The following FBXO42 variants were observed in gnomAD, a reference collection of about 807,000 sequenced individuals.
FBXO42 encodes the protein F-box protein 42.
A neutral mutation model predicts 71.7 loss-of-function variants in FBXO42; 12 were observed. The ratio of observed to expected loss-of-function variants is 0.17; its 90% CI spans 0.11 to 0.27. FBXO42 has a LOEUF of 0.27. Ranked by LOEUF, FBXO42 falls within the 10% of genes least tolerant of loss-of-function variation. The probability of loss-of-function intolerance (pLI) is 1.00; values close to 1 mark genes in which losing one functional copy is unlikely to be tolerated. For missense variants in FBXO42, 707 were observed against 911.9 expected (o/e 0.78, Z 2.89); for synonymous variants, 325 against 327.5 (o/e 0.99, Z 0.08).
chr1:16,309,475 A>G (rs2082290090), intron 2 of FBXO42, among the ~76,000 whole-genome samples: 1 of 152,210 alleles, frequency 6.6e-6, no homozygotes, highest in South Asian at 2.1e-4. Context: ...TTCCATGAAA[A>G]TGAACTAAAA....
At chr1:16,340,300 A>T (rs2082589988) in intron 1 of FBXO42, among the ~76,000 whole-genome samples, 2 of 152,052 alleles carry the variant, frequency 1.3e-5, no homozygotes, top group Admixed American at 6.5e-5. Flanking sequence ...CCACAGATCC[A>T]AATCCAGAAA....
intron 2 of FBXO42, among the ~76,000 whole-genome samples, chr1:16,308,356 T>C (rs1469763050): frequency 1.3e-5 from 2 of 152,136 alleles, no homozygotes; most frequent in Non-Finnish European, 2.9e-5. Flanking sequence ...CAGTGGTGTA[T>C]GCCTGTGGTC....
At chr1:16,311,503 AAT>A (rs1553153697) in intron 2 of FBXO42, among the ~76,000 whole-genome samples, 4,082 of 65,210 alleles carry the variant, frequency 0.063, 77 homozygotes, top group East Asian at 0.17. Context: ...AAAAAAAAAA[AAT>A]ATATATATAT....
intron 3 of FBXO42, among the ~76,000 whole-genome samples, chr1:16,299,945 A>G (rs6603853): frequency 0.67 from 101,663 of 152,016 alleles, 34,950 homozygotes; most frequent in East Asian, 0.86. Flanking sequence ...GCCCGGCCAC[A>G]CTCAACTATT....
intron 4 of FBXO42, among the ~76,000 whole-genome samples, chr1:16,288,125 G>A (rs985400798): frequency 1.3e-5 from 2 of 152,038 alleles, no homozygotes; most frequent in Admixed American, 6.6e-5. Flanking sequence ...GGAAACAAGA[G>A]TGAAACTCTG....
chr1:16,328,996 C>G (rs915678149), intron 1 of FBXO42, among the ~76,000 whole-genome samples: 2 of 151,674 alleles, frequency 1.3e-5, no homozygotes, highest in African/African-American at 4.8e-5. Context: ...AACCCCATCT[C>G]TACTAAAAAT....
chr1:16,276,454 T>C (rs901994506), intron 4 of FBXO42, among the ~76,000 whole-genome samples: 1 of 150,404 alleles, frequency 6.6e-6, no homozygotes, highest in Non-Finnish European at 1.5e-5. Flanking sequence ...CCTAATTACA[T>C]AGAAACTAAA....
chr1:16,253,124 A>G lies in FBXO42; in HGVS notation c.893T>C (p.Ile298Thr). 6.2e-7 allele frequency: 1 copy of G among 1,613,838 alleles called. No homozygotes were observed. Residue 298 changes from isoleucine to threonine, a missense_variant, in exon 8 of 10, where the codon ATC becomes ACC. Physicochemically the swap from Ile to Thr is moderately conservative, Grantham distance 89 (BLOSUM62 -1). This residue lies in a region of FBXO42 where 482 missense variants were observed against 587.1 expected (regional missense o/e 0.82). Coordinates refer to ENST00000375592, the MANE Select transcript of FBXO42 (RefSeq NM_018994.3). ...QIVIDDATIL[I>T]LGGCGGPNAL... is the part of the protein sequence containing the mutation. ...ATTGGGACCGCCACACCCTCCGAGG[A>G]TTAAGATAGTTGCATCATCTATGAC...
intron 4 of FBXO42, among the ~76,000 whole-genome samples, chr1:16,274,130 C>T (rs1027160960): frequency 1.3e-5 from 2 of 151,626 alleles, no homozygotes; most frequent in African/African-American, 4.8e-5. Flanking sequence ...GGAGACATAG[C>T]AGTACCCCAT....
intron 1 of FBXO42, among the ~76,000 whole-genome samples, chr1:16,344,856 T>G (rs1164012723): frequency 6.6e-6 from 1 of 152,138 alleles, no homozygotes; most frequent in African/African-American, 2.4e-5. Context: ...CCCAACACTT[T>G]GGGAGGCCAA....
chr1:16,340,338 G>A (rs1407720566), intron 1 of FBXO42, among the ~76,000 whole-genome samples: 3 of 150,528 alleles, frequency 2.0e-5, no homozygotes, highest in Non-Finnish European at 4.4e-5. Flanking sequence ...TTTTTTTTGA[G>A]ACGGAGTTTC....
In FBXO42 at chr1:16,352,347, C is replaced by T. The variant is rs1407675552; in HGVS notation, c.-110G>A. Reference sequence around the variant, plus strand: ...GGGCCAGAGCAGAGGCGCTCTGCCTCAGGCCGCGACAGCCGTGCTCGGGGC... The same window carrying T: ...GGGCCAGAGCAGAGGCGCTCTGCCTTAGGCCGCGACAGCCGTGCTCGGGGC... On this transcript the variant is annotated 5_prime_UTR_variant, in exon 1 of 10. Coordinates refer to ENST00000375592, the MANE Select transcript of FBXO42 (RefSeq NM_018994.3). The T allele has an allele frequency of 2.5e-6, 1 of 397,894 alleles. No individual in the cohort carries two copies. Among genetic ancestry groups the T allele is most frequent in the Non-Finnish European group, 4.4e-6 (1 of 225,632 alleles). The allele number at this position is 397,894 out of a possible 1,614,324, so 24.6% of individuals were successfully genotyped here. A position where few individuals can be genotyped will look rare whatever the true frequency, so the allele number is the denominator to read the frequency against.
At chr1:16,313,073 G>A (rs745643875) in intron 2 of FBXO42, among the ~76,000 whole-genome samples, 5 of 152,000 alleles carry the variant, frequency 3.3e-5, no homozygotes, top group Non-Finnish European at 7.4e-5. Flanking sequence ...GGGATTACAG[G>A]CGTGTTCCAC....
intron 4 of FBXO42, among the ~76,000 whole-genome samples, chr1:16,271,608 T>C (rs1236292962): frequency 4.6e-5 from 7 of 151,980 alleles, no homozygotes; most frequent in Admixed American, 2.0e-4. Context: ...TACCCACTTG[T>C]ACCACTCTCC....
chr1:16,335,821 C>T (rs1464658809), intron 1 of FBXO42, among the ~76,000 whole-genome samples: 1 of 147,702 alleles, frequency 6.8e-6, no homozygotes, highest in Non-Finnish European at 1.5e-5. Context: ...GAGCTGAGAT[C>T]ACGCCATTGC....
intron 4 of FBXO42, among the ~76,000 whole-genome samples, chr1:16,284,998 T>C (rs1406076380): frequency 9.3e-6 from 1 of 107,890 alleles, no homozygotes; most frequent in Non-Finnish European, 2.1e-5. Context: ...AAAATAAAGT[T>C]AGCCGGGCGT....
chr1:16,290,701 C>T (rs1263547243), intron 4 of FBXO42, among the ~76,000 whole-genome samples: 1 of 150,756 alleles, frequency 6.6e-6, no homozygotes, highest in African/African-American at 2.4e-5. Context: ...AAAAGAAGCA[C>T]AAGAGATGCC....
chr1:16,308,296 C>G (rs925324601), intron 2 of FBXO42, among the ~76,000 whole-genome samples: 1 of 151,972 alleles, frequency 6.6e-6, no homozygotes, highest in Non-Finnish European at 1.5e-5. Flanking sequence ...TGATCTTTGA[C>G]AAAGAAGCAA....
At chr1:16,317,923 A>G (rs1178922413) in intron 1 of FBXO42, among the ~76,000 whole-genome samples, 3 of 143,160 alleles carry the variant, frequency 2.1e-5, no homozygotes, top group Admixed American at 7.0e-5. Context: ...TGTCTCGAAG[A>G]AAAAAAAAAA....
Sources: gnomAD v4.1 joint callset for allele counts (sites outside exome capture counted in the v4.1 genomes callset) on GRCh38, gnomAD v4.1.1 for gene constraint, gnomAD v4.1.1 regional missense constraint, MANE v1.5 for transcripts, NCBI Gene and HGNC (gene_info 2026-07-23, HGNC 2026-07-21) for gene names.